ARHGAP22: variants seen among roughly 807,000 people sequenced by gnomAD.
ARHGAP22 encodes Rho GTPase activating protein 22.
A neutral mutation model predicts 59.1 loss-of-function variants in ARHGAP22; 48 were observed. The ratio of observed to expected loss-of-function variants is 0.81; its 90% CI spans 0.64 to 1.03. The LOEUF is 1.03. Ranked by LOEUF, ARHGAP22 falls within the 50% of genes least tolerant of loss-of-function variation. ARHGAP22 has a pLI of 0.00. For synonymous variants in ARHGAP22, 445 were observed against 416.4 expected, an observed-to-expected ratio of 1.07 and a Z score of -0.84; for missense variants, 1,015 against 958.7, an observed-to-expected ratio of 1.06 and a Z score of -0.78.
chr10:48,629,067 C>T (rs539855646), intron 1 of ARHGAP22, among the ~76,000 whole-genome samples: 1 of 152,324 alleles, frequency 6.6e-6, no homozygotes, highest in Admixed American at 6.5e-5. Flanking sequence ...TGTTGTGCTT[C>T]CCAGATGGCC....
At chr10:48,484,788 C>A (rs1201302595) in intron 3 of ARHGAP22, among the ~76,000 whole-genome samples, 1 of 152,202 alleles carries the variant, frequency 6.6e-6, no homozygotes, top group East Asian at 1.9e-4. Context: ...CTTTTACTAT[C>A]TGAAGAAGCT....
intron 1 of ARHGAP22, among the ~76,000 whole-genome samples, chr10:48,614,834 T>C (rs1250597522): frequency 6.6e-6 from 1 of 152,174 alleles, no homozygotes; most frequent in Non-Finnish European, 1.5e-5. Flanking sequence ...CATCTGCAAA[T>C]AGCTAAAATT....
rs78352864 is a variant in ARHGAP22 at position 48,482,835 on chromosome 10, T to C, written c.323-3071A>G. 2.4e-4 allele frequency among the ~76,000 whole-genome samples: 36 copies of C among 152,282 alleles called. No homozygotes were observed. In the East Asian group the frequency reaches 6.9e-3, roughly 29 times the overall value. Reference sequence around the variant, plus strand: ...TAGTTATTTTGAAATATGCAATACATTGTTGTTAACTATTGTTACTCTACC... The same window carrying C: ...TAGTTATTTTGAAATATGCAATACACTGTTGTTAACTATTGTTACTCTACC... On this transcript the variant is annotated intron_variant, in intron 3 of 9. Coordinates refer to ENST00000249601, the MANE Select transcript of ARHGAP22 (RefSeq NM_021226.4).
chr10:48,571,746 A>G (rs2058408428), intron 2 of ARHGAP22, among the ~76,000 whole-genome samples: 1 of 152,200 alleles, frequency 6.6e-6, no homozygotes, highest in South Asian at 2.1e-4. Flanking sequence ...AGCTTGGTCC[A>G]GAGTCACTGA....
chr10:48,642,066 C>T (rs1386605133), intron 1 of ARHGAP22, among the ~76,000 whole-genome samples: 1 of 152,170 alleles, frequency 6.6e-6, no homozygotes, highest in Non-Finnish European at 1.5e-5. Flanking sequence ...TACTACAAAT[C>T]ACTGCTCAAC....
intron 3 of ARHGAP22, among the ~76,000 whole-genome samples, chr10:48,521,624 T>C (rs1039861379): frequency 6.6e-6 from 1 of 152,220 alleles, no homozygotes; most frequent in Non-Finnish European, 1.5e-5. Context: ...CTTAAAAAAA[T>C]GCACATACAC....
At position 48,451,132 on chromosome 10, in the gene ARHGAP22, G is replaced by C; in HGVS notation, c.997C>G (p.Leu333Val). The part of the protein sequence containing the change: ...DPVTIMEGTS[L>V]VQHLMTVLIR... ...AGGACGGTCATCAGGTGCTGGACGA[G>C]GGAAGTGCCTGCCGGGAAGAGAGGC... Residue 333 changes from leucine to valine, a missense_variant, in exon 9 of 10, where the codon CTC becomes GTC. Coordinates refer to ENST00000249601, the MANE Select transcript of ARHGAP22 (RefSeq NM_021226.4). 1 of 1,552,214 alleles carries C rather than the reference G, an allele frequency of 6.4e-7. No homozygotes were observed. Among genetic ancestry groups the C allele is most frequent in the Non-Finnish European group, 8.7e-7 (1 of 1,147,788 alleles).
intron 3 of ARHGAP22, among the ~76,000 whole-genome samples, chr10:48,540,882 AC>A (rs2135112595): frequency 6.6e-6 from 1 of 151,930 alleles, no homozygotes; most frequent in East Asian, 2.0e-4. Flanking sequence ...AGGCTACTCA[AC>A]CCCGGACTAG....
At chr10:48,455,261 G>T in intron 5 of ARHGAP22, 127 bp from the exon 6 acceptor site, 2 of 1,138,550 alleles carry the variant, frequency 1.8e-6, no homozygotes, top group Non-Finnish European at 2.4e-6. Flanking sequence ...ACTGGGGGCT[G>T]CATCTGCGGC....
chr10:48,488,387 T>C (rs929669132), intron 3 of ARHGAP22, among the ~76,000 whole-genome samples: 1 of 152,248 alleles, frequency 6.6e-6, no homozygotes, highest in African/African-American at 2.4e-5. Context: ...CATTATGGGC[T>C]ACATTTTCCT....
chr10:48,511,313 C>T (rs994351099), intron 3 of ARHGAP22, among the ~76,000 whole-genome samples: 4 of 152,226 alleles, frequency 2.6e-5, no homozygotes, highest in East Asian at 1.9e-4. Flanking sequence ...GCCCAGAGAG[C>T]TCAGGCACAT....
At chr10:48,561,710 A>T (rs1218936359) in intron 2 of ARHGAP22, among the ~76,000 whole-genome samples, 1 of 152,248 alleles carries the variant, frequency 6.6e-6, no homozygotes, top group Non-Finnish European at 1.5e-5. Context: ...AAGATATAGG[A>T]TTGGAAGATA....
In ARHGAP22 at chr10:48,470,046, G is replaced by A. The variant is rs568988736; in HGVS notation, c.451+9590C>T. Among the ~76,000 whole-genome samples, 3 of 152,330 alleles carry A rather than the reference G, an allele frequency of 2.0e-5. No homozygotes were observed. In the South Asian group the frequency reaches 6.2e-4, roughly 32 times the overall value. On this transcript the variant is annotated intron_variant, in intron 4 of 9. Coordinates refer to ENST00000249601, the MANE Select transcript of ARHGAP22 (RefSeq NM_021226.4). ...CACAGGGCTATTGTCAGGCTCAGCAGGGACACAGAGTCCAGGATAGGAAAT... is the reference window on the plus strand; with the variant it reads ...CACAGGGCTATTGTCAGGCTCAGCAAGGACACAGAGTCCAGGATAGGAAAT...
the ARHGAP22 span, among the ~76,000 whole-genome samples, chr10:48,432,249 A>T: frequency 6.6e-6 from 1 of 152,216 alleles, no homozygotes; most frequent in Non-Finnish European, 1.5e-5. Flanking sequence ...GGAAAAAAAT[A>T]GATGTTGTAT....
intron 1 of ARHGAP22, among the ~76,000 whole-genome samples, chr10:48,645,530 A>G (rs975157214): frequency 6.6e-6 from 1 of 152,206 alleles, no homozygotes; most frequent in African/African-American, 2.4e-5. Context: ...GAAATAGAAT[A>G]AAGGACAAAA....
chr10:48,486,793 G>A (rs1481426307), intron 3 of ARHGAP22, among the ~76,000 whole-genome samples: 1 of 152,158 alleles, frequency 6.6e-6, no homozygotes, highest in African/African-American at 2.4e-5. Context: ...TATTGGTGAT[G>A]AATTCTTTCA....
intron 1 of ARHGAP22, among the ~76,000 whole-genome samples, chr10:48,632,072 G>C (rs571660357): frequency 6.6e-6 from 1 of 152,108 alleles, no homozygotes; most frequent in Non-Finnish European, 1.5e-5. Context: ...CCTGTCACTC[G>C]AGCAGTGTAC....
chr10:48,524,016 CCG>C, intron 3 of ARHGAP22: 1 of 1,452,466 alleles, frequency 6.9e-7, no homozygotes, highest in Non-Finnish European at 9.1e-7. Context: ...CTGGCGGCGG[CCG>C]CAGGGAGCGG....
rs1564997742 is a variant in ARHGAP22, at chr10:48,611,802, CCTTCT to C, written c.53-28655_53-28651del. Among the ~76,000 whole-genome samples, 125 of 129,102 alleles carry C rather than the reference CCTTCT, an allele frequency of 9.7e-4. 4 individuals carry two copies. Among genetic ancestry groups the C allele is most frequent in the African/African-American group, 3.3e-3 (100 of 30,532 alleles). 84.7% of individuals were successfully genotyped at this position (129,102 alleles called of 152,430 possible). ...CCTCCTGCTCCTTTCCCTTCCCTTCCCTTCTCTTCCCTTCCCTTCCCTTCCCTTCC... is the reference window on the plus strand; with the variant it reads ...CCTCCTGCTCCTTTCCCTTCCCTTCCCTTCCCTTCCCTTCCCTTCCCTTCC... On this transcript the variant is annotated intron_variant, in intron 1 of 9. Coordinates refer to the ARHGAP22 transcript ENST00000435790.
Sources: gnomAD v4.1 joint callset for allele counts (sites outside exome capture counted in the v4.1 genomes callset) on GRCh38, gnomAD v4.1.1 for gene constraint, MANE v1.5 for transcripts, NCBI Gene and HGNC (gene_info 2026-07-23, HGNC 2026-07-21) for gene names.